PCDHA7: variants seen among roughly 807,000 people sequenced by gnomAD.
PCDHA7 encodes the protein protocadherin alpha 7, also known as protocadherin alpha-7.
In PCDHA7, 37 loss-of-function variants were observed where a neutral mutation model predicts 57.2. That is an observed-to-expected ratio of 0.65 (90% CI 0.50 to 0.85). The LOEUF is 0.85. PCDHA7 is among the 40% of genes least tolerant of loss of function. PCDHA7 has a pLI of 0.00. For missense variants in PCDHA7, 1,188 were observed against 1,241.8 expected (o/e 0.96, Z 0.65); for synonymous variants, 553 against 558.8 (o/e 0.99, Z 0.15).
intron 2 of PCDHA7, among the ~76,000 whole-genome samples, chr5:140,981,379 G>A (rs1387904235): frequency 1.3e-5 from 2 of 152,152 alleles, no homozygotes; most frequent in Admixed American, 1.3e-4. Flanking sequence ...TTCAAGACCA[G>A]CCTGGTCAAT....
At chr5:140,967,390 G>C (rs2096135950) in intron 1 of PCDHA7, 1 of 1,609,870 alleles carries the variant, frequency 6.2e-7, no homozygotes, top group African/African-American at 1.3e-5. Context: ...AAGTGCTTGA[G>C]CTGGTGCTGC....
In PCDHA7 at chr5:140,928,114, A is replaced by C. The variant is rs200013855; in HGVS notation, c.2356-50835A>C. ...TGATGGGCCCCTGGACCGGGAGCAG[A>C]TCAGTGAATACCAAGTCCTGATCAC... On this transcript the variant is annotated intron_variant, in intron 1 of 3. Coordinates refer to ENST00000525929, the MANE Select transcript of PCDHA7 (RefSeq NM_018910.3). 280 of 1,614,088 alleles carry C rather than the reference A, an allele frequency of 1.7e-4. No individual in the cohort carries two copies. Among genetic ancestry groups the C allele is most frequent in the Middle Eastern group, 6.6e-4 (4 of 6,084 alleles).
chr5:141,009,878 A>G lies in PCDHA7; in HGVS notation c.2755A>G (p.Asn919Asp). Residue 919 changes from asparagine to aspartate, a missense_variant, in exon 4 of 4, where the codon AAC (asparagine) becomes GAC (aspartate). Coordinates refer to ENST00000525929, the MANE Select transcript of PCDHA7 (RefSeq NM_018910.3). ...TKKKKKKKKG[N>D]KTQEKKEKGN... ...GAAAAAGAAGAAAAAGAAGAAGGGT[A>G]ACAAGACCCAGGAGAAAAAAGAGAA... is the stretch of plus-strand genomic sequence containing the variant. 4 of 1,613,898 alleles carry G rather than the reference A, an allele frequency of 2.5e-6. No homozygotes were observed. Among genetic ancestry groups the G allele is most frequent in the South Asian group, 1.1e-5 (1 of 91,050 alleles).
chr5:140,967,024 T>G, intron 1 of PCDHA7: 1 of 1,608,238 alleles, frequency 6.2e-7, no homozygotes, highest in Non-Finnish European at 8.5e-7. Flanking sequence ...GTGCGCCCAG[T>G]CCGCGCTACC....
At chr5:140,855,178 G>C (rs1170062889) in intron 1 of PCDHA7, among the ~76,000 whole-genome samples, 2 of 149,594 alleles carry the variant, frequency 1.3e-5, no homozygotes, top group African/African-American at 4.9e-5. Flanking sequence ...AAACAAATGT[G>C]GCCAAATTGA....
intron 1 of PCDHA7, chr5:140,858,501 T>C: frequency 6.8e-7 from 1 of 1,464,942 alleles, no homozygotes; most frequent in Non-Finnish European, 9.4e-7. Context: ...TACCGCATTT[T>C]CTCAAATATG....
At chr5:140,946,872 T>C (rs983892070) in intron 1 of PCDHA7, among the ~76,000 whole-genome samples, 7 of 151,402 alleles carry the variant, frequency 4.6e-5, no homozygotes, top group Admixed American at 1.3e-4. Flanking sequence ...GGTTGGTCAA[T>C]GGGTACGAAG....
At chr5:140,907,840 A>C (rs2073633940) in intron 1 of PCDHA7, among the ~76,000 whole-genome samples, 1 of 152,160 alleles carries the variant, frequency 6.6e-6, no homozygotes, top group South Asian at 2.1e-4. Context: ...TGTTTATTAA[A>C]ATCCTCCTCT....
In PCDHA7 at chr5:141,010,024, T is replaced by A; in HGVS notation, c.*87T>A. 7.6e-6 allele frequency: 12 copies of A among 1,572,358 alleles called. No individual in the cohort carries two copies. Among genetic ancestry groups the A allele is most frequent in the Non-Finnish European group, 1.0e-5 (12 of 1,163,296 alleles). On this transcript the variant is annotated 3_prime_UTR_variant, in exon 4 of 4. Coordinates refer to ENST00000525929, the MANE Select transcript of PCDHA7 (RefSeq NM_018910.3). ...GTAGCAATTCCCTGCTCCTTTTTCC[T>A]ATCTACATGAGCCCTCTTAGAGACC...
At chr5:140,857,353 G>A (rs1197611806) in intron 1 of PCDHA7, 1 of 1,598,220 alleles carries the variant, frequency 6.3e-7, no homozygotes, top group African/African-American at 1.3e-5. Flanking sequence ...CTCCGCTGTG[G>A]GCCACGGCCA....
intron 1 of PCDHA7, among the ~76,000 whole-genome samples, chr5:140,920,731 C>G (rs2079790420): frequency 6.6e-6 from 1 of 151,924 alleles, no homozygotes; most frequent in African/African-American, 2.4e-5. Flanking sequence ...GCAGTCCCAG[C>G]TACTCAGGAG....
intron 2 of PCDHA7, among the ~76,000 whole-genome samples, chr5:140,979,343 AATT>A (rs1482354475): frequency 8.6e-5 from 13 of 152,024 alleles, no homozygotes; most frequent in African/African-American, 3.1e-4. Flanking sequence ...TAAAAACTGT[AATT>A]AATACTCATG....
chr5:140,835,493 A>G lies in PCDHA7; in HGVS notation c.1110A>G (p.Thr370=). 6.2e-7 allele frequency: 1 copy of G among 1,613,914 alleles called. No homozygotes were observed. Among genetic ancestry groups the G allele is most frequent in the Admixed American group, 1.7e-5 (1 of 60,012 alleles). ...ACGCCCAACCAGGTACCGTCATCAC[A>G]TTGATTAGCGTGTTTGACCGAGATT... ...PEDAQPGTVI[T]LISVFDRDFG... Residue 370 remains threonine, a synonymous_variant, in exon 1 of 4, where the codon ACA becomes ACG. Transcript: ENST00000525929.
At chr5:140,997,563 A>G (rs891862395) in intron 3 of PCDHA7, among the ~76,000 whole-genome samples, 7 of 152,202 alleles carry the variant, frequency 4.6e-5, no homozygotes, top group Non-Finnish European at 8.8e-5. Context: ...GACAACTGTC[A>G]TATGTGTGGT....
At chr5:140,896,864 G>A (rs1223708211) in intron 1 of PCDHA7, among the ~76,000 whole-genome samples, 1 of 152,088 alleles carries the variant, frequency 6.6e-6, no homozygotes, top group Admixed American at 6.5e-5. Flanking sequence ...CATAATAAGT[G>A]TACATATTTA....
intron 1 of PCDHA7, chr5:140,967,093 G>T: frequency 6.2e-7 from 1 of 1,613,122 alleles, no homozygotes; most frequent in Non-Finnish European, 8.5e-7. Flanking sequence ...ATCGGGAGGC[G>T]CTGTGTGAGC....
chr5:140,875,874 A>G (rs782173743), intron 1 of PCDHA7: 2 of 1,614,188 alleles, frequency 1.2e-6, no homozygotes, highest in East Asian at 4.5e-5. Context: ...CGGTGTTCAG[A>G]GAAAGGGAAC....
Position 140,848,663 on chromosome 5 carries a change from G to A in PCDHA7, c.2355+11925G>A, listed in dbSNP as rs2150416390. ...TCGCGCAGGACCTGGGGCTGGAGCT[G>A]GCGGAGCTGGTGCCGCGCCTGTTCC... On this transcript the variant is annotated intron_variant, in intron 1 of 3. Transcript: ENST00000525929. 3.8e-6 allele frequency: 6 copies of A among 1,592,360 alleles called. No homozygotes were observed. In the Admixed American group the frequency reaches 5.1e-5, roughly 13 times the overall value.
At chr5:141,004,698 T>C (rs2098177351) in intron 3 of PCDHA7, among the ~76,000 whole-genome samples, 1 of 152,222 alleles carries the variant, frequency 6.6e-6, no homozygotes, top group East Asian at 1.9e-4. Context: ...AACCCAGTTT[T>C]AGGTGCCGAA....
Sources: allele counts gnomAD v4.1 joint callset (sites outside exome capture counted in the v4.1 genomes callset), GRCh38; gene constraint gnomAD v4.1.1; transcripts MANE v1.5; gene names NCBI Gene and HGNC (gene_info 2026-07-23, HGNC 2026-07-21).